ABCC8: variants seen among roughly 807,000 people sequenced by gnomAD.
The protein encoded by ABCC8 is ATP-binding cassette sub-family C member 8.
ABCC8 carries 137 observed loss-of-function variants against 188.0 expected under a neutral mutation model. The ratio of observed to expected loss-of-function variants is 0.73; its 90% CI spans 0.63 to 0.84. ABCC8 has a LOEUF of 0.84. ABCC8 is among the 40% of genes least tolerant of loss of function. ABCC8 has a pLI of 0.00. For missense variants in ABCC8, 1,750 were observed against 2,072.7 expected (o/e 0.84, Z 3.02); for synonymous variants, 797 against 846.5 (o/e 0.94, Z 1.01).
intron 11 of ABCC8, 117 bp from the exon 12 acceptor site, chr11:17,431,076 A>G: frequency 6.7e-7 from 1 of 1,494,240 alleles, no homozygotes; most frequent in South Asian, 1.2e-5. Context: ...GGCTCCTAAG[A>G]GGATCTTTTA....
Position 17,460,675 on chromosome 11 carries a change from C to T in ABCC8, c.824G>A (p.Arg275Gln), listed in dbSNP as rs185040406. The change falls in exon 6 of 39, where the codon CGG becomes CAG. Residue 275 changes from arginine (R) to glutamine (Q), a missense_variant and splice_region_variant. Arg to Gln is a conservative substitution (Grantham distance 43). Transcript: ENST00000389817. The stretch of plus-strand genomic sequence containing the variant: ...ACCTTGAGTGCCCTGAATGTCCTTC[C>T]GCTGCCCAGAGAGACCATGGCCAGG... ...RLCEAFDAQV[R>Q]KDIQGTQGAR... 1.3e-4 allele frequency: 201 copies of T among 1,607,706 alleles called. 2 individuals carry two copies. In the East Asian group the frequency reaches 2.9e-3, roughly 23 times the overall value.
In ABCC8 at chr11:17,447,274, G is replaced by A. The variant is rs1956573544; in HGVS notation, c.1332+1242C>T. On this transcript the variant is annotated intron_variant, in intron 8 of 38. Transcript: ENST00000389817. ...ATAGGACAGGATCAGACTCTGTGGT[G>A]GAAGAGCTCCGGGTGGGAGATGGGA... Among the ~76,000 whole-genome samples the A allele has an allele frequency of 2.0e-5, 3 of 152,298 alleles. No homozygotes were observed. The South Asian group carries it at 6.2e-4, about 32-fold the overall frequency.
chr11:17,424,949 T>C (rs1436484475), intron 16 of ABCC8, among the ~76,000 whole-genome samples: 1 of 152,200 alleles, frequency 6.6e-6, no homozygotes, highest in Non-Finnish European at 1.5e-5. Flanking sequence ...ATGTTGACAA[T>C]GCACTTAGCA....
At chr11:17,470,039 C>T in intron 3 of ABCC8, 62 bp downstream of exon 3, 4 of 1,583,178 alleles carry the variant, frequency 2.5e-6, no homozygotes, top group Non-Finnish European at 3.5e-6. Flanking sequence ...AATGAGTCCT[C>T]AGTAAACATT....
Position 17,461,756 on chromosome 11 carries a change from A to G in ABCC8, c.649T>C (p.Phe217Leu), listed in dbSNP as rs2133680202. Residue 217 changes from phenylalanine to leucine, a missense_variant, in exon 5 of 39, where the codon TTC becomes CTC. Physicochemically the swap from Phe to Leu is conservative, Grantham distance 22 (BLOSUM62 0). Transcript: ENST00000389817. ...PEDLQDLGVR[F>L]LQPFVNLLSK... ...AGCAGATTCACGAAGGGCTGCAGGAAGCGTACCCCCAGGTCTTGCAGGTCC... is the reference window on the plus strand; with the variant it reads ...AGCAGATTCACGAAGGGCTGCAGGAGGCGTACCCCCAGGTCTTGCAGGTCC... 6.2e-7 allele frequency: 1 copy of G among 1,614,014 alleles called. No homozygotes were observed. Among genetic ancestry groups the G allele is most frequent in the East Asian group, 2.2e-5 (1 of 44,876 alleles).
At chr11:17,411,837 G>T (rs1338772594) in intron 21 of ABCC8, among the ~76,000 whole-genome samples, 2 of 151,760 alleles carry the variant, frequency 1.3e-5, no homozygotes, top group South Asian at 2.1e-4. Context: ...GTCAGTCAAG[G>T]CACCTGACAC....
chr11:17,414,035 C>T (rs1954943950), intron 19 of ABCC8, among the ~76,000 whole-genome samples: 1 of 152,184 alleles, frequency 6.6e-6, no homozygotes, highest in South Asian at 2.1e-4. Context: ...CTTTCTGAAA[C>T]TTGGTTCTTC....
intron 17 of ABCC8, 34 bp downstream of exon 17, chr11:17,416,896 G>A (rs1297363577): frequency 1.2e-5 from 14 of 1,186,484 alleles, no homozygotes; most frequent in Non-Finnish European, 1.7e-5. Flanking sequence ...TCCCTTTGTT[G>A]AGACCCACTT....
intron 29 of ABCC8, among the ~76,000 whole-genome samples, chr11:17,401,034 G>C (rs888480088): frequency 6.6e-6 from 1 of 152,218 alleles, no homozygotes; most frequent in African/African-American, 2.4e-5. Flanking sequence ...GGTAGCAGTG[G>C]CTCTGGCTGA....
In ABCC8 at chr11:17,395,919, G is replaced by T; in HGVS notation, c.4131C>A (p.Cys1377Ter). The T allele has an allele frequency of 6.3e-7, 1 of 1,582,794 alleles. No individual in the cohort carries two copies. The highest frequency in any genetic ancestry group is 8.6e-7 in the Non-Finnish European group (1 of 1,162,842). ...LIAPGQKIGI[C>*]GRTGSGKSSF... ...AGGACTTCCCACTGCCGGTGCGGCCGCAGATCCCGATCTGGAAAGAGAGAA... is the reference window on the plus strand; with the variant it reads ...AGGACTTCCCACTGCCGGTGCGGCCTCAGATCCCGATCTGGAAAGAGAGAA... The change falls in exon 34 of 39, where the codon TGC becomes TGA. Residue 1377 changes from cysteine (C) to a stop codon, truncating the protein, a stop_gained. Transcript: ENST00000389817. LOFTEE classifies it high-confidence loss of function.
At chr11:17,415,162 G>A in intron 18 of ABCC8, 142 bp downstream of exon 18, 1 of 1,170,084 alleles carries the variant, frequency 8.5e-7, no homozygotes, top group South Asian at 1.3e-5. Context: ...CCACCTGGTG[G>A]AGCACAGGGG....
In ABCC8 at chr11:17,404,232, G is replaced by A. The variant is rs1023410247; in HGVS notation, c.3557+280C>T. Among the ~76,000 whole-genome samples the A allele has an allele frequency of 2.0e-5, 3 of 152,280 alleles. No individual in the cohort carries two copies. The highest frequency in any genetic ancestry group is 6.5e-5 in the Admixed American group (1 of 15,288). On this transcript the variant is annotated intron_variant, in intron 28 of 38. Transcript: ENST00000389817. This position sits in a 1 kb window ranked among gnomAD's most constrained non-coding sequence, Gnocchi z 4.7. ...AGCATGTTGGCAAAATGAATGAAGGGCATAAAATGTGCATTTATCATGACC... is the reference window on the plus strand; with the variant it reads ...AGCATGTTGGCAAAATGAATGAAGGACATAAAATGTGCATTTATCATGACC...
At chr11:17,411,584 CTG>C (rs1301135672) in intron 21 of ABCC8, among the ~76,000 whole-genome samples, 3 of 152,154 alleles carry the variant, frequency 2.0e-5, no homozygotes, top group African/African-American at 4.8e-5. Flanking sequence ...TTCCAACTCA[CTG>C]TGCAAATGGC....
In ABCC8 at chr11:17,414,512, C is replaced by T. The variant is rs542420774; in HGVS notation, c.2390G>A (p.Arg797Gln). ...CTGCCTCCCTCCGACAGGCTTTTAC[C>T]GTTGTTTGTTGAAGGGACTCTCAAA... is the stretch of plus-strand genomic sequence containing the variant. The part of the protein sequence containing the change: ...IIFESPFNKQ[R>Q]YKMVIEACSL... The change falls in exon 19 of 39, where the codon CGG (arginine) becomes CAG (glutamine). Residue 797 changes from arginine (R) to glutamine (Q), a missense_variant and splice_region_variant. Transcript: ENST00000389817. 29 of 1,614,172 alleles carry T rather than the reference C, an allele frequency of 1.8e-5. No individual in the cohort carries two copies. The highest frequency in any genetic ancestry group is 1.8e-4 in the East Asian group (8 of 44,876).
chr11:17,410,396 T>A, intron 22 of ABCC8, 120 bp downstream of exon 22: 2 of 1,135,972 alleles, frequency 1.8e-6, no homozygotes, highest in Admixed American at 3.6e-5. Flanking sequence ...CCAGTGCTGG[T>A]CTCTTATGCT....
intron 28 of ABCC8, 133 bp from the exon 29 acceptor site, chr11:17,402,886 G>A (rs970061309): frequency 1.5e-5 from 16 of 1,093,606 alleles, no homozygotes; most frequent in East Asian, 2.5e-5. Context: ...TTCTTACCCC[G>A]TGAAGGGGGA....
intron 26 of ABCC8, among the ~76,000 whole-genome samples, chr11:17,405,812 G>A (rs1002742498): frequency 2.0e-5 from 3 of 152,128 alleles, no homozygotes; most frequent in Admixed American, 1.3e-4. Context: ...CTCAGCTGCC[G>A]GCTCGGCCTG....
chr11:17,462,336 T>C lies in ABCC8; in HGVS notation c.580-511A>G, dbSNP rs114481357. Among the ~76,000 whole-genome samples the C allele has an allele frequency of 8.1e-3, 1,237 of 152,316 alleles. 20 individuals are homozygous for C. The highest frequency in any genetic ancestry group is 0.028 in the African/African-American group (1,180 of 41,564). On this transcript the variant is annotated intron_variant, in intron 4 of 38. Transcript: ENST00000389817. ...ATGGGGGGACACATAAGGAGCTTTG[T>C]GCCCTGCAGATCACCAACTAAAAGC...
chr11:17,439,472 G>A (rs1332824709), intron 10 of ABCC8, among the ~76,000 whole-genome samples: 7 of 152,040 alleles, frequency 4.6e-5, no homozygotes, highest in African/African-American at 1.4e-4. Flanking sequence ...ATTACCTCAC[G>A]CCTAATGACC....
Sources: gnomAD v4.1 joint callset for allele counts (sites outside exome capture counted in the v4.1 genomes callset) on GRCh38, gnomAD v4.1.1 for gene constraint, Gnocchi (gnomAD v3.1) non-coding constraint, MANE v1.5 for transcripts, NCBI Gene and HGNC (gene_info 2026-07-23, HGNC 2026-07-21) for gene names.